DPP6: variants seen among roughly 807,000 people sequenced by gnomAD.
DPP6 encodes the protein A-type potassium channel modulatory protein DPP6.
DPP6 carries 69 observed loss-of-function variants against 122.6 expected under a neutral mutation model. That is an observed-to-expected ratio of 0.56 (90% CI 0.46 to 0.69). The LOEUF (loss-of-function observed/expected upper bound fraction) is 0.69. Among genes scored for constraint, DPP6 ranks in the 30% least tolerant of loss-of-function variants. The probability of loss-of-function intolerance (pLI) is 0.00; values close to 1 mark genes in which losing one functional copy is unlikely to be tolerated. For synonymous variants in DPP6, 418 were observed against 433.1 expected (o/e 0.97, Z 0.43); for missense variants, 928 against 1,116.9 (o/e 0.83, Z 2.41).
At chr7:154,062,607 C>G (rs1452055211) in intron 1 of DPP6, among the ~76,000 whole-genome samples, 1 of 19,026 alleles carries the variant, frequency 5.3e-5, no homozygotes, top group Non-Finnish European at 9.2e-5. Context: ...TGAGAGCCAA[C>G]CCCTGGTTCC....
rs532377537 is a variant in DPP6 at position 154,064,911 on chromosome 7, T to G, written c.243+11848T>G. ...GGAACAGGACTGGCCAGGGAGGGAATCTCCATTAGGACAAAGTGGTTCTGC... is the reference window on the plus strand; with the variant it reads ...GGAACAGGACTGGCCAGGGAGGGAAGCTCCATTAGGACAAAGTGGTTCTGC... On this transcript the variant is annotated intron_variant, in intron 1 of 25. Transcript: ENST00000377770. Among the ~76,000 whole-genome samples the G allele has an allele frequency of 6.6e-5, 10 of 152,268 alleles. No homozygotes were observed. The South Asian group carries it at 1.9e-3, about 28-fold the overall frequency.
chr7:154,105,129 A>G (rs1389083853), intron 1 of DPP6, among the ~76,000 whole-genome samples: 1 of 152,218 alleles, frequency 6.6e-6, no homozygotes, highest in African/African-American at 2.4e-5. Flanking sequence ...TCTGTCTAAA[A>G]AACAAAACCA....
In DPP6 at chr7:154,017,702, AAAAAATAAAAAAAAAATAAAAAAAT is replaced by A. The variant is rs1180675945; in HGVS notation, c.51+129974_51+129998del. On this transcript the variant is annotated intron_variant, in intron 1 of 25. Coordinates refer to the DPP6 transcript ENST00000404039. ...GTGACAGAGTGAGCCCTTGTCCTAA[AAAAAATAAAAAAAAAATAAAAAAAT>A]AAAAAAAAAAAAAAGAAAAATATAA... Among the ~76,000 whole-genome samples the A allele has an allele frequency of 6.8e-4, 96 of 141,210 alleles. 1 individual carries two copies. Among genetic ancestry groups the A allele is most frequent in the Middle Eastern group, 3.4e-3 (1 of 294 alleles). 92.6% of individuals were successfully genotyped at this position (141,210 alleles called of 152,430 possible).
the DPP6 span, among the ~76,000 whole-genome samples, chr7:153,784,238 A>G: frequency 6.6e-6 from 1 of 152,200 alleles, no homozygotes; most frequent in African/African-American, 2.4e-5. Flanking sequence ...CATGTAATCT[A>G]TCCTGTTCTG....
chr7:154,767,068 T>C (rs1441003992), intron 8 of DPP6, among the ~76,000 whole-genome samples: 4 of 152,122 alleles, frequency 2.6e-5, no homozygotes, highest in Non-Finnish European at 5.9e-5. Context: ...GGGGGTTTTG[T>C]TGTTATTGTT....
At chr7:154,291,444 C>T (rs779190999) in intron 1 of DPP6, among the ~76,000 whole-genome samples, 20 of 152,286 alleles carry the variant, frequency 1.3e-4, no homozygotes, top group African/African-American at 3.6e-4. Context: ...CTTGCATCAG[C>T]GAGGCCTTGC....
chr7:154,532,563 C>G (rs951626112), intron 3 of DPP6, among the ~76,000 whole-genome samples: 2 of 151,556 alleles, frequency 1.3e-5, no homozygotes, highest in Non-Finnish European at 2.9e-5. Context: ...TTTGAAAGGT[C>G]AATAAAATTG....
chr7:154,553,984 G>A (rs955126605), intron 4 of DPP6, among the ~76,000 whole-genome samples: 13 of 150,824 alleles, frequency 8.6e-5, no homozygotes, highest in Non-Finnish European at 1.6e-4. Flanking sequence ...GAACCGAGCT[G>A]TAAACCATCT....
At chr7:154,127,910 A>G (rs1335466073) in intron 1 of DPP6, among the ~76,000 whole-genome samples, 2 of 151,118 alleles carry the variant, frequency 1.3e-5, no homozygotes, top group Non-Finnish European at 3.0e-5. Flanking sequence ...GGTTGGTTCT[A>G]CCTCACAGAG....
chr7:154,336,054 A>T (rs557190406), intron 1 of DPP6, among the ~76,000 whole-genome samples: 1 of 151,930 alleles, frequency 6.6e-6, no homozygotes, highest in Non-Finnish European at 1.5e-5. Context: ...TACTGTATTG[A>T]TGTTTTTCCA....
chr7:154,122,912 T>C (rs1457425010), intron 1 of DPP6, among the ~76,000 whole-genome samples: 1 of 152,224 alleles, frequency 6.6e-6, no homozygotes, highest in Non-Finnish European at 1.5e-5. Context: ...CCCATCCTCC[T>C]CCTCCCTCTG....
intron 8 of DPP6, among the ~76,000 whole-genome samples, chr7:154,748,233 T>C (rs993009460): frequency 6.6e-6 from 1 of 152,146 alleles, no homozygotes; most frequent in African/African-American, 2.4e-5. Flanking sequence ...GTCGGCTTGC[T>C]CCTCTCCACC....
the DPP6 span, among the ~76,000 whole-genome samples, chr7:153,816,673 A>C: frequency 1.3e-5 from 2 of 152,304 alleles, no homozygotes; most frequent in South Asian, 4.2e-4. Context: ...TTTCTGCAAG[A>C]CAGAAGGAAG....
At chr7:153,959,560 G>C (rs983180368) in intron 1 of DPP6, among the ~76,000 whole-genome samples, 21 of 152,244 alleles carry the variant, frequency 1.4e-4, no homozygotes, top group Non-Finnish European at 2.8e-4. Flanking sequence ...AGATGGTTTT[G>C]CTCCTTAAAC....
chr7:154,742,328 A>G (rs548768462), intron 8 of DPP6, among the ~76,000 whole-genome samples: 1 of 152,352 alleles, frequency 6.6e-6, no homozygotes, highest in South Asian at 2.1e-4. Context: ...CACAAAGTGT[A>G]TATCCTGCAA....
chr7:153,945,855 G>A (rs1254615438), intron 1 of DPP6, among the ~76,000 whole-genome samples: 1 of 152,192 alleles, frequency 6.6e-6, no homozygotes, highest in Non-Finnish European at 1.5e-5. Context: ...TGTTGACTGA[G>A]TATGGAATTT....
chr7:153,913,373 A>G lies in DPP6; in HGVS notation c.51+25639A>G, dbSNP rs549876047. Among the ~76,000 whole-genome samples the G allele has an allele frequency of 1.6e-4, 25 of 152,308 alleles. 1 individual carries two copies. In the South Asian group the frequency reaches 5.2e-3, roughly 32 times the overall value. On this transcript the variant is annotated intron_variant, in intron 1 of 25. Transcript: ENST00000404039. ...CAGGCGTGAGCCACTGCACCCGGCCAACATATCAATTATTTGGTTTGAGCT... is the reference window on the plus strand; with the variant it reads ...CAGGCGTGAGCCACTGCACCCGGCCGACATATCAATTATTTGGTTTGAGCT...
intron 1 of DPP6, among the ~76,000 whole-genome samples, chr7:154,276,853 T>A (rs1804172091): frequency 6.6e-6 from 1 of 152,184 alleles, no homozygotes; most frequent in South Asian, 2.1e-4. Flanking sequence ...ACATATATAG[T>A]CTTCATTCAT....
rs377429019 is a variant in DPP6, at chr7:154,072,548, C to T, written c.243+19485C>T. On this transcript the variant is annotated intron_variant, in intron 1 of 25. Coordinates refer to ENST00000377770, the MANE Select transcript of DPP6 (RefSeq NM_130797.4). Reference sequence around the variant, plus strand: ...AGAGGCTTACATCACAGAGTTGGCTCACTGTTTCCAGTATCATTCTTCCAG... The same window carrying T: ...AGAGGCTTACATCACAGAGTTGGCTTACTGTTTCCAGTATCATTCTTCCAG... Among the ~76,000 whole-genome samples, 251 of 152,372 alleles carry T rather than the reference C, an allele frequency of 1.6e-3. No homozygotes were observed. In the South Asian group the frequency reaches 0.025, roughly 15 times the overall value.
Sources: gnomAD v4.1 joint callset for allele counts (sites outside exome capture counted in the v4.1 genomes callset) on GRCh38, gnomAD v4.1.1 for gene constraint, MANE v1.5 for transcripts, NCBI Gene and HGNC (gene_info 2026-07-23, HGNC 2026-07-21) for gene names.